Variants in KNL1 observed in about 807,000 individuals in gnomAD.
The protein encoded by KNL1 is outer kinetochore KNL1 complex subunit KNL1.
In KNL1, 66 loss-of-function variants were observed where a neutral mutation model predicts 201.3. That is an observed-to-expected ratio of 0.33 (90% CI 0.27 to 0.40). The LOEUF is 0.40. Ranked by LOEUF, KNL1 falls within the 10% of genes least tolerant of loss-of-function variation. KNL1 has a pLI of 1.00. For synonymous variants in KNL1, 895 were observed against 899.2 expected (o/e 1.00, Z 0.08); for missense variants, 2,815 against 2,690.5 (o/e 1.05, Z -1.02).
chr15:40,640,959 A>T lies in KNL1; in HGVS notation c.5730A>T (p.Gln1910His). ...CTCCAGAAGACCTGATGTTAAGTCA[A>T]TATGTTTACCGACCCAAGATACAGA... ...PPTPEDLMLS[Q>H]YVYRPKIQIY... The change falls in exon 14 of 26, where the codon CAA becomes CAT. Residue 1910 changes from glutamine to histidine, a missense_variant. Gln to His is a conservative substitution (Grantham distance 24). This residue lies in a region of KNL1 where 2,464 missense variants were observed against 2,291.7 expected (regional missense o/e 1.08). Coordinates refer to ENST00000399668, the MANE Select transcript of KNL1 (RefSeq NM_144508.5). 6.2e-7 allele frequency: 1 copy of T among 1,613,530 alleles called. No homozygotes were observed. The highest frequency in any genetic ancestry group is 8.5e-7 in the Non-Finnish European group (1 of 1,179,776).
At chr15:40,599,213 G>A (rs1425325559) in intron 1 of KNL1, among the ~76,000 whole-genome samples, 1 of 150,794 alleles carries the variant, frequency 6.6e-6, no homozygotes, top group Non-Finnish European at 1.5e-5. Context: ...AGCTACTAGG[G>A]AGGCTACTTG....
In KNL1 at chr15:40,640,941, A is replaced by C; in HGVS notation, c.5712A>C (p.Glu1904Asp). ...NFTVNTPPTP[E>D]DLMLSQYVYR... ...CTGTAAACACACCACCTACTCCAGAAGACCTGATGTTAAGTCAATATGTTT... is the reference window on the plus strand; with the variant it reads ...CTGTAAACACACCACCTACTCCAGACGACCTGATGTTAAGTCAATATGTTT... Residue 1904 changes from glutamate to aspartate, a missense_variant, in exon 14 of 26, where the codon GAA becomes GAC. Physicochemically the swap from Glu to Asp is conservative, Grantham distance 45. This residue lies in a region of KNL1 where 2,464 missense variants were observed against 2,291.7 expected (regional missense o/e 1.08). Transcript: ENST00000399668. 6.2e-7 allele frequency: 1 copy of C among 1,613,098 alleles called. No individual in the cohort carries two copies. Among genetic ancestry groups the C allele is most frequent in the Non-Finnish European group, 8.5e-7 (1 of 1,179,500 alleles).
chr15:40,654,345 A>T (rs1452509550), intron 21 of KNL1, among the ~76,000 whole-genome samples: 1 of 152,148 alleles, frequency 6.6e-6, no homozygotes, highest in African/African-American at 2.4e-5. Flanking sequence ...CACAGAAGTT[A>T]GGGGTTAAAA....
At chr15:40,597,838 G>A (rs970274003) in intron 1 of KNL1, among the ~76,000 whole-genome samples, 1 of 152,204 alleles carries the variant, frequency 6.6e-6, no homozygotes, top group Non-Finnish European at 1.5e-5. Flanking sequence ...TGAGTTGATA[G>A]TAGTTATTAT....
chr15:40,595,536 C>A (rs1191155856), intron 1 of KNL1, among the ~76,000 whole-genome samples: 1 of 152,136 alleles, frequency 6.6e-6, no homozygotes, highest in Non-Finnish European at 1.5e-5. Flanking sequence ...ATGATAAATA[C>A]ATGTAAATTG....
intron 22 of KNL1, among the ~76,000 whole-genome samples, chr15:40,655,389 C>T (rs1034570886): frequency 4.6e-5 from 7 of 151,614 alleles, no homozygotes; most frequent in African/African-American, 1.7e-4. Context: ...GTCAGAGGCT[C>T]GAGACCAGCC....
chr15:40,639,950 G>A (rs547351103), intron 13 of KNL1, among the ~76,000 whole-genome samples: 127 of 152,258 alleles, frequency 8.3e-4, no homozygotes, highest in Non-Finnish European at 1.4e-3. Context: ...TGACACATCT[G>A]TAGTACTAGC....
At position 40,662,077 on chromosome 15, in the gene KNL1, A is replaced by G; in HGVS notation, c.6840A>G (p.Gln2280=). Residue 2280 remains glutamine (Q), a synonymous_variant, in exon 26 of 26, where the codon CAA becomes CAG. Transcript: ENST00000399668. The part of the protein sequence containing the change: ...TIQNHVGNTS[Q]DDIATILSKV... ...GATTAACCTTTGTTCTTTCCAGCCA[A>G]GATGATATTGCTACCATTCTATCTA... The G allele has an allele frequency of 6.4e-7, 1 of 1,569,214 alleles. No homozygotes were observed. Among genetic ancestry groups the G allele is most frequent in the Non-Finnish European group, 8.8e-7 (1 of 1,139,384 alleles).
At chr15:40,599,822 CG>C (rs1891734323) in intron 1 of KNL1, among the ~76,000 whole-genome samples, 1 of 120,676 alleles carries the variant, frequency 8.3e-6, no homozygotes, top group East Asian at 2.3e-4. Context: ...TTTAAAGAGA[CG>C]GGGTCTCCCT....
At chr15:40,598,174 C>CAA (rs1181187591) in intron 1 of KNL1, among the ~76,000 whole-genome samples, 2 of 89,472 alleles carry the variant, frequency 2.2e-5, no homozygotes, top group Non-Finnish European at 4.7e-5. Flanking sequence ...AACTCCGTCT[C>CAA]AAAAAAAAAA....
intron 10 of KNL1, among the ~76,000 whole-genome samples, chr15:40,626,871 C>T (rs190143650): frequency 4.0e-5 from 6 of 151,704 alleles, no homozygotes; most frequent in East Asian, 1.9e-4. Context: ...TAAGCCACCA[C>T]GGCCCATAAT....
chr15:40,619,277 C>G (rs570312092), intron 9 of KNL1, among the ~76,000 whole-genome samples: 19 of 151,872 alleles, frequency 1.3e-4, no homozygotes, highest in Non-Finnish European at 2.5e-4. Context: ...TACTAGTACA[C>G]AAGTCCATAG....
intron 8 of KNL1, 37 bp from the exon 9 acceptor site, chr15:40,618,922 T>C: frequency 4.2e-6 from 6 of 1,422,352 alleles, no homozygotes; most frequent in Non-Finnish European, 5.9e-6. Flanking sequence ...CTCAGTGTTA[T>C]ATTTTCTGAC....
chr15:40,654,869 T>TA (rs1244056240), intron 21 of KNL1, 40 bp from the exon 22 acceptor site: 6 of 1,522,248 alleles, frequency 3.9e-6, no homozygotes, highest in Admixed American at 1.7e-5. Context: ...ACTCTCTGTC[T>TA]AAAAAAATTT....
In KNL1 at chr15:40,657,553, T is replaced by C. The variant is rs1043506922; in HGVS notation, c.6713+80T>C. On this transcript the variant is annotated intron_variant, in intron 24 of 25. Transcript: ENST00000399668. ...CTTAACAGGTTCTGGAGGCTGGAGG[T>C]CTGAGATTAAGGTGTAAGCGGGTGT... is the stretch of plus-strand genomic sequence containing the variant. 4 of 760,524 alleles carry C rather than the reference T, an allele frequency of 5.3e-6. No individual in the cohort carries two copies. The African/African-American group carries it at 6.9e-5, about 13-fold the overall frequency. 47.1% of individuals were successfully genotyped at this position (760,524 alleles called of 1,614,324 possible).
At chr15:40,612,502 G>T (rs571913391) in intron 7 of KNL1, among the ~76,000 whole-genome samples, 1 of 151,650 alleles carries the variant, frequency 6.6e-6, no homozygotes, top group Admixed American at 6.6e-5. Flanking sequence ...CAAAAAAGAG[G>T]TTTTTTTGCT....
intron 19 of KNL1, among the ~76,000 whole-genome samples, 157 bp from the exon 20 acceptor site, chr15:40,651,307 AAAAAACT>A (rs1461758428): frequency 3.9e-5 from 6 of 151,962 alleles, no homozygotes; most frequent in African/African-American, 1.4e-4. Context: ...AAAAAAAAAA[AAAAAACT>A]AAACTAAGAA....
At position 40,624,857 on chromosome 15, in the gene KNL1, A is replaced by G. The variant is rs769418367; in HGVS notation, c.4593A>G (p.Gln1531=). ...DFHSNSDVTK[Q]VIQTHVNAGE... Reference sequence around the variant, plus strand: ...ACAGTAACTCAGACGTAACTAAGCAAGTCATTCAAACTCATGTCAATGCTG... The same window carrying G: ...ACAGTAACTCAGACGTAACTAAGCAGGTCATTCAAACTCATGTCAATGCTG... Residue 1531 remains glutamine, a synonymous_variant, in exon 10 of 26, where the codon CAA becomes CAG. Transcript: ENST00000399668. 2.8e-5 allele frequency: 45 copies of G among 1,612,686 alleles called. No homozygotes were observed. The highest frequency in any genetic ancestry group is 3.7e-5 in the Non-Finnish European group (44 of 1,179,826).
intron 13 of KNL1, among the ~76,000 whole-genome samples, chr15:40,630,180 A>G (rs1567013324): frequency 1.3e-5 from 2 of 151,870 alleles, no homozygotes; most frequent in Admixed American, 1.3e-4. Context: ...AGATCATAGA[A>G]TATTTGAATA....
Sources: allele counts gnomAD v4.1 joint callset (sites outside exome capture counted in the v4.1 genomes callset), GRCh38; gene constraint gnomAD v4.1.1; regional missense constraint gnomAD v4.1.1; transcripts MANE v1.5; gene names NCBI Gene and HGNC (gene_info 2026-07-23, HGNC 2026-07-21).